Variants in BTK observed in about 807,000 individuals in gnomAD.
BTK encodes the protein Bruton tyrosine kinase.
A neutral mutation model predicts 57.4 loss-of-function variants in BTK; 5 were observed. That is an observed-to-expected ratio of 0.09 (90% confidence interval 0.05 to 0.18). The LOEUF (loss-of-function observed/expected upper bound fraction) is 0.18. BTK is among the 10% of genes least tolerant of loss of function. The pLI, the probability that BTK is intolerant of heterozygous loss-of-function variation, is 1.00. For missense variants in BTK, 194 were observed against 501.2 expected (o/e 0.39, Z 5.85); for synonymous variants, 154 against 174.3 (o/e 0.88, Z 0.92).
chrX:101,362,895 TC>T (rs1438540260), intron 5 of BTK: 6 of 476,843 alleles, frequency 1.3e-5, no homozygotes, highest in Non-Finnish European at 2.2e-5. Flanking sequence ...TGTGCAGTTT[TC>T]TTTAGTGGTC....
intron 18 of BTK, 132 bp from the exon 19 acceptor site, chrX:101,350,088 GGA>G: frequency 6.9e-6 from 2 of 288,166 alleles, no homozygotes; most frequent in Non-Finnish European, 1.2e-5. Context: ...GATTACAAAA[GGA>G]AAAAAAAAAA....
chrX:101,360,430 G>T, intron 8 of BTK, 138 bp downstream of exon 8: 1 of 690,961 alleles, frequency 1.4e-6, no homozygotes, highest in Non-Finnish European at 2.2e-6. Context: ...GGAAGTACTT[G>T]GAGGGAGAGC....
intron 5 of BTK, among the ~76,000 whole-genome samples, chrX:101,363,739 G>T (rs1926746440): frequency 4.6e-5 from 5 of 107,850 alleles, no homozygotes; most frequent in Middle Eastern, 4.8e-3. Flanking sequence ...GTCATCCAGG[G>T]TTCATAGTGT....
At chrX:101,387,198 C>A (rs1459469079), upstream of BTK, among the ~76,000 whole-genome samples, 3 of 110,384 alleles carry the variant, frequency 2.7e-5, no homozygotes, top group Non-Finnish European at 5.7e-5. Context: ...AAAAAACAAA[C>A]AAACAAGCAA....
chrX:101,384,693 T>A (rs1194047813), intron 1 of BTK, among the ~76,000 whole-genome samples: 1 of 111,156 alleles, frequency 9.0e-6, no homozygotes, highest in South Asian at 3.7e-4. Flanking sequence ...GCAGTTTAAA[T>A]AGTTTGAATA....
At chrX:101,370,518 T>C (rs782436595) in intron 4 of BTK, among the ~76,000 whole-genome samples, 4 of 111,868 alleles carry the variant, frequency 3.6e-5, no homozygotes, top group Non-Finnish European at 7.5e-5. Context: ...TTGGATAATA[T>C]GGAGTAAAAT....
chrX:101,387,210 CA>C (rs1166339652), upstream of BTK, among the ~76,000 whole-genome samples: 8 of 109,760 alleles, frequency 7.3e-5, no homozygotes, highest in South Asian at 3.9e-4. Flanking sequence ...AACAAGCAAA[CA>C]AAAAAAATGG....
upstream of BTK, among the ~76,000 whole-genome samples, chrX:101,388,598 T>C (rs1191838740): frequency 1.8e-5 from 2 of 112,027 alleles, no homozygotes; most frequent in Non-Finnish European, 3.8e-5. Context: ...AAGATCTTGA[T>C]CACCTGGTGT....
intron 5 of BTK, among the ~76,000 whole-genome samples, chrX:101,365,960 C>T (rs1555979389): frequency 8.9e-6 from 1 of 112,349 alleles, no homozygotes; most frequent in South Asian, 3.7e-4. Context: ...AATGTGGCAG[C>T]TGGATATGAG....
chrX:101,355,563 AGAG>A, intron 15 of BTK: 9 of 123,015 alleles, frequency 7.3e-5, no homozygotes, highest in Middle Eastern at 4.3e-3. Flanking sequence ...TAGATTTTCA[AGAG>A]AAGCTGGAAA....
At chrX:101,354,012 G>T in intron 16 of BTK, 24 bp from the exon 17 acceptor site, 1 of 1,102,691 alleles carries the variant, frequency 9.1e-7, no homozygotes, top group Non-Finnish European at 1.3e-6. Flanking sequence ...AGGACTTGTT[G>T]CATTAGGATT....
chrX:101,360,335 TA>T (rs1926621648), intron 8 of BTK, among the ~76,000 whole-genome samples, 185 bp from the exon 9 acceptor site: 1 of 112,011 alleles, frequency 8.9e-6, no homozygotes, highest in Admixed American at 9.6e-5. Context: ...GTGCAGAGCT[TA>T]TGCACATGTT....
rs181781797 is a variant in BTK at position 101,357,676 on chromosome X, A to T, written c.1103-93T>A. On this transcript the variant is annotated intron_variant, in intron 12 of 18. Transcript: ENST00000308731. ...TTAAAGCCTCACACTTCCGGTGTGT[A>T]TCTTTCTAGTACATTTTGAATCCCA... The T allele has an allele frequency of 6.9e-4, 490 of 713,395 alleles. 1 individual carries two copies. The African/African-American group carries it at 8.1e-3, about 12-fold the overall frequency. 58.8% of individuals were successfully genotyped at this position (713,395 alleles called of 1,213,427 possible). A position where few individuals can be genotyped will look rare whatever the true frequency, so the allele number is the denominator to read the frequency against.
intron 12 of BTK, 85 bp from the exon 13 acceptor site, chrX:101,357,668 C>A: frequency 1.3e-6 from 1 of 748,642 alleles, no homozygotes; most frequent in Non-Finnish European, 2.1e-6. Flanking sequence ...CTCACACTTC[C>A]GGTGTGTATC....
chrX:101,356,589 CA>C (rs2147427978), intron 14 of BTK, 194 bp downstream of exon 14: 1 of 489,386 alleles, frequency 2.0e-6, no homozygotes, highest in Admixed American at 3.2e-5. Flanking sequence ...CCATGATCAC[CA>C]CTATTCTCAA....
intron 1 of BTK, among the ~76,000 whole-genome samples, chrX:101,376,513 G>C (rs111837942): frequency 0.013 from 1,437 of 111,275 alleles, 28 homozygotes; most frequent in African/African-American, 0.045. Context: ...TGTAATCCCA[G>C]CTACTCGGGA....
At chrX:101,379,874 T>C (rs1265775551) in intron 1 of BTK, among the ~76,000 whole-genome samples, 1 of 112,131 alleles carries the variant, frequency 8.9e-6, no homozygotes, top group Non-Finnish European at 1.9e-5. Context: ...AACTATACTT[T>C]TTTTGCACTT....
intron 18 of BTK, 80 bp downstream of exon 18, chrX:101,353,114 G>T: frequency 1.1e-6 from 1 of 918,616 alleles, no homozygotes; most frequent in Non-Finnish European, 1.6e-6. Flanking sequence ...GCAGCTATCA[G>T]TCTTTGGTGG....
At chrX:101,383,838 T>G (rs1050073958) in intron 1 of BTK, among the ~76,000 whole-genome samples, 7 of 111,719 alleles carry the variant, frequency 6.3e-5, no homozygotes, top group African/African-American at 1.6e-4. Flanking sequence ...TGCACATGAA[T>G]CTCCATAGAA....
Sources: allele counts gnomAD v4.1 joint callset (sites outside exome capture counted in the v4.1 genomes callset), GRCh38; gene constraint gnomAD v4.1.1; transcripts MANE v1.5; gene names NCBI Gene and HGNC (gene_info 2026-07-23, HGNC 2026-07-21).